SLC16A7: variants seen among roughly 807,000 people sequenced by gnomAD.
SLC16A7 encodes the protein monocarboxylate transporter 2.
Under a neutral mutation model 34.9 loss-of-function variants are expected in SLC16A7, and 33 were observed. That is an observed-to-expected ratio of 0.94 (90% CI 0.72 to 1.26). The LOEUF (loss-of-function observed/expected upper bound fraction) is 1.26. Ranked by LOEUF, SLC16A7 falls within the 50% of genes most tolerant of loss-of-function variation. The pLI, the probability that SLC16A7 is intolerant of heterozygous loss-of-function variation, is 0.00. For synonymous variants in SLC16A7, 201 were observed against 206.6 expected (o/e 0.97, Z 0.23); for missense variants, 573 against 578.1 (o/e 0.99, Z 0.09).
At position 59,788,238 on chromosome 12, in the gene SLC16A7, T is replaced by G. The variant is rs998706281; in HGVS notation, c.*8559T>G. The G allele has an allele frequency of 3.9e-5, 6 of 152,176 alleles. No individual in the cohort carries two copies. Among genetic ancestry groups the G allele is most frequent in the African/African-American group, 1.4e-4 (6 of 41,454 alleles). The allele number at this position is 152,176 out of a possible 1,614,324, so 9.4% of individuals were successfully genotyped here. A position where few individuals can be genotyped will look rare whatever the true frequency, so the allele number is the denominator to read the frequency against. On this transcript the variant is annotated 3_prime_UTR_variant, in exon 6 of 6. Coordinates refer to ENST00000547379, the MANE Select transcript of SLC16A7 (RefSeq NM_001270623.2). ...CTTGTTGCTAATAAAAGACATTCCTTGGCAACAGCCACATCCAGCTAACTT... is the reference window on the plus strand; with the variant it reads ...CTTGTTGCTAATAAAAGACATTCCTGGGCAACAGCCACATCCAGCTAACTT...
intron 2 of SLC16A7, among the ~76,000 whole-genome samples, chr12:59,681,265 A>G (rs1333965686): frequency 6.6e-6 from 1 of 152,170 alleles, no homozygotes. Flanking sequence ...TGTATGTACC[A>G]TGTCATCCAT....
intron 1 of SLC16A7, among the ~76,000 whole-genome samples, chr12:59,609,312 AC>A (rs1171745117): frequency 1.3e-5 from 2 of 152,242 alleles, no homozygotes; most frequent in Non-Finnish European, 2.9e-5. Flanking sequence ...ATGGTTGTTG[AC>A]AAAAATCCGT....
chr12:59,620,133 G>GT (rs1393241823), intron 1 of SLC16A7, among the ~76,000 whole-genome samples: 1 of 151,684 alleles, frequency 6.6e-6, no homozygotes, highest in African/African-American at 2.4e-5. Flanking sequence ...GATACTGTGT[G>GT]GTTTTTTTTT....
chr12:59,747,032 G>A (rs34133363), intron 3 of SLC16A7, among the ~76,000 whole-genome samples: 6,136 of 152,064 alleles, frequency 0.04, 199 homozygotes, highest in Middle Eastern at 0.12. Context: ...GTGTCTCACC[G>A]TATTGCCTAG....
At chr12:59,660,912 T>C (rs910603736) in intron 2 of SLC16A7, among the ~76,000 whole-genome samples, 4 of 152,162 alleles carry the variant, frequency 2.6e-5, no homozygotes, top group Non-Finnish European at 4.4e-5. Context: ...GCCTTTGTAG[T>C]GTTTTTAAAA....
chr12:59,720,139 C>T (rs1160789085), intron 3 of SLC16A7: 2 of 690,394 alleles, frequency 2.9e-6, no homozygotes, highest in South Asian at 1.5e-5. Context: ...ATTATGGGAT[C>T]GCTGTCTAAA....
chr12:59,751,351 CAAAG>C (rs1879526744), intron 3 of SLC16A7, among the ~76,000 whole-genome samples: 1 of 152,334 alleles, frequency 6.6e-6, no homozygotes. Flanking sequence ...CTTTCCTAGT[CAAAG>C]AAAGGTGTGA....
chr12:59,656,292 A>G (rs1199142760), intron 2 of SLC16A7, among the ~76,000 whole-genome samples: 2 of 151,996 alleles, frequency 1.3e-5, no homozygotes, highest in Non-Finnish European at 2.9e-5. Flanking sequence ...GGGAGAATTA[A>G]GGTTGCAGAT....
chr12:59,692,038 A>T (rs1037539088), intron 2 of SLC16A7, among the ~76,000 whole-genome samples: 8 of 152,000 alleles, frequency 5.3e-5, no homozygotes, highest in Non-Finnish European at 8.8e-5. Context: ...ATTTCTAGAC[A>T]TCAAGGTGAA....
intron 2 of SLC16A7, among the ~76,000 whole-genome samples, chr12:59,660,140 C>A (rs1868761682): frequency 6.6e-6 from 1 of 151,490 alleles, no homozygotes; most frequent in South Asian, 2.1e-4. Context: ...AAAAAGAATC[C>A]TTTAGATTTT....
At chr12:59,741,531 C>G (rs1009122962) in intron 3 of SLC16A7, among the ~76,000 whole-genome samples, 10 of 152,182 alleles carry the variant, frequency 6.6e-5, no homozygotes, top group Middle Eastern at 3.2e-3. Context: ...GGTTCTGCTC[C>G]TTTCTTTCAG....
chr12:59,757,675 C>T (rs1204226743), intron 3 of SLC16A7, among the ~76,000 whole-genome samples: 1 of 152,132 alleles, frequency 6.6e-6, no homozygotes, highest in Non-Finnish European at 1.5e-5. Flanking sequence ...CCTGCCTCCC[C>T]TTCCACCTCC....
rs551767949 is a variant in SLC16A7, at chr12:59,596,728, G to T, written c.-130+492G>T. On this transcript the variant is annotated intron_variant, in intron 1 of 5. Transcript: ENST00000547379. This position sits in a 1 kb window ranked among gnomAD's most constrained non-coding sequence, Gnocchi z 5.0. Reference sequence around the variant, plus strand: ...TCATTGCCGCAGAAGGTGGAGGCGGGGGTGGAGTGTGTGGAGAGAACGTCT... The same window carrying T: ...TCATTGCCGCAGAAGGTGGAGGCGGTGGTGGAGTGTGTGGAGAGAACGTCT... 1.2e-4 allele frequency among the ~76,000 whole-genome samples: 18 copies of T among 152,198 alleles called. No homozygotes were observed. The highest frequency in any genetic ancestry group is 2.4e-4 in the Non-Finnish European group (16 of 68,024).
rs1592507088 is a variant in SLC16A7, at chr12:59,692,129, G to T, written c.-30-12643G>T. Among the ~76,000 whole-genome samples, 3 of 152,066 alleles carry T rather than the reference G, an allele frequency of 2.0e-5. No homozygotes were observed. The East Asian group carries it at 5.8e-4, about 29-fold the overall frequency. On this transcript the variant is annotated intron_variant, in intron 2 of 5. Coordinates refer to ENST00000547379, the MANE Select transcript of SLC16A7 (RefSeq NM_001270623.2). ...CTTCTGGTGGCAGTTGGCATTCCTT[G>T]GCTTGTGGTCACATCACTTTCTGCT...
intron 1 of SLC16A7, among the ~76,000 whole-genome samples, chr12:59,608,162 C>T (rs1194321840): frequency 6.6e-6 from 1 of 152,158 alleles, no homozygotes; most frequent in Non-Finnish European, 1.5e-5. Flanking sequence ...TTGTCACTTT[C>T]TGCCCACAAC....
At chr12:59,653,971 A>G (rs1868406279) in intron 1 of SLC16A7, among the ~76,000 whole-genome samples, 1 of 151,718 alleles carries the variant, frequency 6.6e-6, no homozygotes, top group Non-Finnish European at 1.5e-5. Context: ...TGGTTTAATA[A>G]TAAGATAAAT....
At chr12:59,685,554 T>C (rs1357089078) in intron 2 of SLC16A7, among the ~76,000 whole-genome samples, 2 of 152,170 alleles carry the variant, frequency 1.3e-5, no homozygotes, top group Non-Finnish European at 2.9e-5. Context: ...TTTGTGGCTA[T>C]ATAAATGCTA....
chr12:59,693,335 A>T (rs1321024437), intron 2 of SLC16A7, among the ~76,000 whole-genome samples: 1 of 152,004 alleles, frequency 6.6e-6, no homozygotes, highest in African/African-American at 2.4e-5. Flanking sequence ...TTGAAGAAAG[A>T]TTATTCACAA....
At chr12:59,704,713 AG>A in intron 2 of SLC16A7, 58 bp from the exon 3 acceptor site, 1 of 817,708 alleles carries the variant, frequency 1.2e-6, no homozygotes, top group South Asian at 1.7e-5. Context: ...GTGACTATGA[AG>A]AGTGGTAAAC....
Sources: allele counts gnomAD v4.1 joint callset (sites outside exome capture counted in the v4.1 genomes callset), GRCh38; gene constraint gnomAD v4.1.1; non-coding constraint Gnocchi (gnomAD v3.1); transcripts MANE v1.5; gene names NCBI Gene and HGNC (gene_info 2026-07-23, HGNC 2026-07-21).